GFRAL: variants seen among roughly 807,000 people sequenced by gnomAD.
GFRAL encodes the protein GDNF family receptor alpha like.
GFRAL carries 36 observed loss-of-function variants against 45.4 expected under a neutral mutation model. That is an observed-to-expected ratio of 0.79 (90% CI 0.61 to 1.05). GFRAL has a LOEUF of 1.05. Ranked by LOEUF, GFRAL falls within the 50% of genes least tolerant of loss-of-function variation. GFRAL has a pLI of 0.00. For missense variants in GFRAL, 507 were observed against 467.5 expected, an observed-to-expected ratio of 1.08 and a Z score of -0.78; for synonymous variants, 166 against 154.1, an observed-to-expected ratio of 1.08 and a Z score of -0.57.
At chr6:55,396,626 A>G (rs536905504) in intron 6 of GFRAL, among the ~76,000 whole-genome samples, 1 of 152,248 alleles carries the variant, frequency 6.6e-6, no homozygotes, top group East Asian at 1.9e-4. Context: ...ATTGATTTAA[A>G]TACACAATTT....
Position 55,401,976 on chromosome 6 carries a change from C to T in GFRAL, c.*123C>T, listed in dbSNP as rs1399743879. 6.6e-6 allele frequency: 4 copies of T among 605,398 alleles called. No individual in the cohort carries two copies. Among genetic ancestry groups the T allele is most frequent in the African/African-American group, 3.9e-5 (2 of 51,780 alleles). 37.5% of individuals were successfully genotyped at this position (605,398 alleles called of 1,614,324 possible). Reference sequence around the variant, plus strand: ...TCCCCTCCCCTCTCTGTTTCTTTTTCTTTTTCTTTTCTTTTTTGTGGCGGA... The same window carrying T: ...TCCCCTCCCCTCTCTGTTTCTTTTTTTTTTTCTTTTCTTTTTTGTGGCGGA... On this transcript the variant is annotated 3_prime_UTR_variant, in exon 9 of 9. Coordinates refer to ENST00000340465, the MANE Select transcript of GFRAL (RefSeq NM_207410.2).
intron 6 of GFRAL, among the ~76,000 whole-genome samples, chr6:55,384,796 A>C (rs1768657670): frequency 6.6e-6 from 1 of 151,870 alleles, no homozygotes; most frequent in Admixed American, 6.6e-5. Flanking sequence ...TTTGCATCAG[A>C]ACTTCGCAAA....
At chr6:55,354,423 T>A (rs1429629061) in intron 5 of GFRAL, among the ~76,000 whole-genome samples, 1 of 152,020 alleles carries the variant, frequency 6.6e-6, no homozygotes, top group Non-Finnish European at 1.5e-5. Context: ...ATTGTACACT[T>A]AATTGTTATA....
intron 6 of GFRAL, among the ~76,000 whole-genome samples, chr6:55,369,633 A>T (rs3941365): frequency 0.19 from 28,821 of 152,078 alleles, 3,134 homozygotes; most frequent in African/African-American, 0.3. Context: ...GAATAGAGTA[A>T]GTTTCAAATA....
intron 6 of GFRAL, among the ~76,000 whole-genome samples, chr6:55,392,741 G>C (rs192136391): frequency 6.6e-6 from 1 of 152,038 alleles, no homozygotes; most frequent in African/African-American, 2.4e-5. Flanking sequence ...GAGGGTGGGA[G>C]GAGGGAGAGG....
intron 6 of GFRAL, among the ~76,000 whole-genome samples, chr6:55,374,917 A>G (rs576506323): frequency 6.6e-6 from 1 of 152,276 alleles, no homozygotes; most frequent in South Asian, 2.1e-4. Context: ...AGGTTTGTCA[A>G]AGATCAGATG....
chr6:55,365,157 C>T (rs955237512), intron 6 of GFRAL, among the ~76,000 whole-genome samples: 6 of 151,130 alleles, frequency 4.0e-5, no homozygotes, highest in African/African-American at 1.2e-4. Flanking sequence ...TCCTTCACAT[C>T]CCTTGTAAGT....
intron 3 of GFRAL, among the ~76,000 whole-genome samples, chr6:55,348,707 C>G (rs1768078391): frequency 6.6e-6 from 1 of 152,182 alleles, no homozygotes; most frequent in South Asian, 2.1e-4. Flanking sequence ...CAGGGCCCCA[C>G]TCTTATGACC....
At chr6:55,334,848 A>C (rs560314962) in intron 3 of GFRAL, among the ~76,000 whole-genome samples, 2 of 152,262 alleles carry the variant, frequency 1.3e-5, no homozygotes, top group South Asian at 4.1e-4. Context: ...GAGATTCATT[A>C]ATTTTTCTCA....
chr6:55,348,681 A>T (rs1768078015), intron 3 of GFRAL, among the ~76,000 whole-genome samples: 1 of 151,996 alleles, frequency 6.6e-6, no homozygotes, highest in African/African-American at 2.4e-5. Context: ...TGACATGGAC[A>T]CTAATCCTAT....
chr6:55,338,381 T>C (rs116317794), intron 3 of GFRAL, among the ~76,000 whole-genome samples: 1,990 of 152,312 alleles, frequency 0.013, 22 homozygotes, highest in Non-Finnish European at 0.022. Context: ...TGAGCCACCA[T>C]GCCGAGCCAG....
At chr6:55,371,547 A>G (rs1400931619) in intron 6 of GFRAL, among the ~76,000 whole-genome samples, 1 of 152,230 alleles carries the variant, frequency 6.6e-6, no homozygotes, top group East Asian at 1.9e-4. Flanking sequence ...GAATTATCTC[A>G]TCATTTACCA....
At chr6:55,373,230 GAA>G (rs1304209660) in intron 6 of GFRAL, among the ~76,000 whole-genome samples, 1 of 152,086 alleles carries the variant, frequency 6.6e-6, no homozygotes, top group Non-Finnish European at 1.5e-5. Context: ...TATCTGTGAA[GAA>G]CCACCTTCTG....
intron 6 of GFRAL, among the ~76,000 whole-genome samples, chr6:55,373,281 C>T (rs1006425708): frequency 2.6e-5 from 4 of 151,988 alleles, no homozygotes; most frequent in Admixed American, 6.6e-5. Context: ...CTTCCTTGAC[C>T]GTATTTTTCC....
chr6:55,364,080 C>T (rs1031795204), intron 6 of GFRAL, among the ~76,000 whole-genome samples: 10 of 144,982 alleles, frequency 6.9e-5, no homozygotes, highest in African/African-American at 2.7e-4. Context: ...CCTATTTCTC[C>T]ACATCCTCTC....
At chr6:55,330,822 C>T (rs1367249844) in intron 1 of GFRAL, among the ~76,000 whole-genome samples, 1 of 152,162 alleles carries the variant, frequency 6.6e-6, no homozygotes, top group Admixed American at 6.5e-5. Flanking sequence ...AAGATTCAAA[C>T]TGGAGGCAGA....
chr6:55,361,331 C>CATGTTCCCTGATATAAA (rs1172217767), intron 6 of GFRAL, among the ~76,000 whole-genome samples: 5 of 151,872 alleles, frequency 3.3e-5, no homozygotes, highest in Non-Finnish European at 7.4e-5. Flanking sequence ...AAAATTTGTT[C>CATGTTCCCTGATATAAA]ATGTTCAAGT....
intron 1 of GFRAL, among the ~76,000 whole-genome samples, 199 bp from the exon 2 acceptor site, chr6:55,331,516 A>G (rs115712516): frequency 0.013 from 1,984 of 152,262 alleles, 23 homozygotes; most frequent in Non-Finnish European, 0.022. Flanking sequence ...AAATGAGCAA[A>G]TTTAAAATAT....
At chr6:55,362,835 T>A (rs1220086730) in intron 6 of GFRAL, among the ~76,000 whole-genome samples, 1 of 149,838 alleles carries the variant, frequency 6.7e-6, no homozygotes, top group Non-Finnish European at 1.5e-5. Context: ...TCCATGTGGA[T>A]AATTAAAAGA....
Sources: allele counts gnomAD v4.1 joint callset (sites outside exome capture counted in the v4.1 genomes callset), GRCh38; gene constraint gnomAD v4.1.1; transcripts MANE v1.5; gene names NCBI Gene and HGNC (gene_info 2026-07-23, HGNC 2026-07-21).